Variants in MINK1 observed in about 807,000 individuals in gnomAD.
MINK1 encodes the protein misshapen like kinase 1.
A neutral mutation model predicts 178.4 loss-of-function variants in MINK1; 46 were observed. That is an observed-to-expected ratio of 0.26 (90% CI 0.20 to 0.33). The LOEUF (loss-of-function observed/expected upper bound fraction) is 0.33. Ranked by LOEUF, MINK1 falls within the 10% of genes least tolerant of loss-of-function variation. MINK1 has a pLI of 1.00. For missense variants in MINK1, 1,366 were observed against 1,814.9 expected (o/e 0.75, Z 4.49); for synonymous variants, 797 against 709.7 (o/e 1.12, Z -1.96).
chr17:4,839,075 C>G (rs1909758515), intron 1 of MINK1, among the ~76,000 whole-genome samples: 1 of 152,032 alleles, frequency 6.6e-6, no homozygotes, highest in Non-Finnish European at 1.5e-5. Context: ...TCCCGAGTAG[C>G]TGGGACTATA....
At chr17:4,850,993 C>G (rs780618952) in intron 1 of MINK1, 5 of 458,550 alleles carry the variant, frequency 1.1e-5, no homozygotes, top group South Asian at 7.7e-5. Context: ...TCCTCCCTGC[C>G]CCTGTCAGCC....
chr17:4,892,686 C>T lies in MINK1; in HGVS notation c.2229C>T (p.Gly743=), dbSNP rs1393609300. 7 of 1,611,168 alleles carry T rather than the reference C, an allele frequency of 4.3e-6. No individual in the cohort carries two copies. In the Admixed American group the frequency reaches 1.0e-4, roughly 23 times the overall value. The change falls in exon 19 of 32, where the codon GGC becomes GGT. Residue 743 remains glycine (G), a synonymous_variant. Coordinates refer to ENST00000355280, the MANE Select transcript of MINK1 (RefSeq NM_153827.5). The stretch of plus-strand genomic sequence containing the variant: ...CCGACCTCAGGAGGAGCGACCCTGG[C>T]TGGGAACGCTCGGACAGCGTCCTTC... ...SNPDLRRSDP[G]WERSDSVLPA...
chr17:4,838,804 G>A (rs1326552033), intron 1 of MINK1, among the ~76,000 whole-genome samples: 4 of 152,160 alleles, frequency 2.6e-5, no homozygotes, highest in Admixed American at 6.6e-5. Context: ...CAGTCGCCAA[G>A]CATTGGCAGT....
chr17:4,837,045 G>A (rs1909414799), intron 1 of MINK1, among the ~76,000 whole-genome samples: 1 of 152,114 alleles, frequency 6.6e-6, no homozygotes, highest in Non-Finnish European at 1.5e-5. Context: ...AAATTAGCCA[G>A]GCATGGTGGC....
At chr17:4,843,993 T>C (rs1910626953) in intron 1 of MINK1, among the ~76,000 whole-genome samples, 2 of 152,228 alleles carry the variant, frequency 1.3e-5, no homozygotes, top group Non-Finnish European at 2.9e-5. Context: ...GTTTTCTGCC[T>C]GTTTTTTGGT....
intron 1 of MINK1, among the ~76,000 whole-genome samples, chr17:4,869,033 C>T (rs146471428): frequency 0.059 from 8,989 of 152,046 alleles, 832 homozygotes; most frequent in African/African-American, 0.2. Context: ...ACGCCATTCT[C>T]CTGCCCCAGC....
chr17:4,837,688 T>G (rs1229186151), intron 1 of MINK1, among the ~76,000 whole-genome samples: 2 of 152,358 alleles, frequency 1.3e-5, no homozygotes, highest in African/African-American at 4.8e-5. Context: ...ACCTCTTTCC[T>G]TTTGCATTGC....
At position 4,896,953 on chromosome 17, in the gene MINK1, A is replaced by T. The variant is rs1325101986; in HGVS notation, c.3915+140A>T. 3 of 1,174,744 alleles carry T rather than the reference A, an allele frequency of 2.6e-6. No homozygotes were observed. In the African/African-American group the frequency reaches 4.7e-5, roughly 18 times the overall value. 72.8% of individuals were successfully genotyped at this position (1,174,744 alleles called of 1,614,324 possible). ...CTGGGAGCTCAGAGGGCAGTCAGCC[A>T]CTACCACTGCCCTGCGCTCCCTTCA... On this transcript the variant is annotated intron_variant, in intron 31 of 31. Coordinates refer to ENST00000355280, the MANE Select transcript of MINK1 (RefSeq NM_153827.5). The surrounding 1 kb of genome is among the most constrained non-coding windows in gnomAD (Gnocchi z 4.6).
In MINK1 at chr17:4,886,618, G is replaced by T; in HGVS notation, c.941G>T (p.Gly314Val). Reference sequence around the variant, plus strand: ...ATTGACCGATCCCGGAAGAAGCGGGGTGAGAAAGGTCAGTGGGCAGGCTGG... The same window carrying T: ...ATTGACCGATCCCGGAAGAAGCGGGTTGAGAAAGGTCAGTGGGCAGGCTGG... ...DHIDRSRKKR[G>V]EKEETEYEYS... is the part of the protein sequence containing the mutation. The change falls in exon 10 of 32, where the codon GGT (glycine) becomes GTT (valine). Residue 314 changes from glycine to valine, a missense_variant. Around this residue, in one of 14 missense-constraint regions of MINK1, gnomAD observed 23 missense variants for 30.2 expected, o/e 0.76. Coordinates refer to ENST00000355280, the MANE Select transcript of MINK1 (RefSeq NM_153827.5). This position sits in a 1 kb window ranked among gnomAD's most constrained non-coding sequence, Gnocchi z 6.1. 6.3e-7 allele frequency: 1 copy of T among 1,591,620 alleles called. No homozygotes were observed. Among genetic ancestry groups the T allele is most frequent in the Non-Finnish European group, 8.6e-7 (1 of 1,167,464 alleles).
At position 4,847,057 on chromosome 17, in the gene MINK1, C is replaced by G. The variant is rs1911145739; in HGVS notation, c.57+13417C>G. 42 of 412,120 alleles carry G rather than the reference C, an allele frequency of 1.0e-4. 1 individual carries two copies. Among genetic ancestry groups the G allele is most frequent in the South Asian group, 7.1e-4 (41 of 57,672 alleles). The allele number at this position is 412,120 out of a possible 1,614,324, so 25.5% of individuals were successfully genotyped here. On this transcript the variant is annotated intron_variant, in intron 1 of 31. Coordinates refer to ENST00000355280, the MANE Select transcript of MINK1 (RefSeq NM_153827.5). ...AACATACCTGCTACTGCCCGGATCTCCTGTCCTGGCCTCATAACCTCCTCA... is the reference window on the plus strand; with the variant it reads ...AACATACCTGCTACTGCCCGGATCTGCTGTCCTGGCCTCATAACCTCCTCA...
At chr17:4,877,767 TTGAAAAGCCATCTGCGCTC>T (rs1211817812) in intron 1 of MINK1, among the ~76,000 whole-genome samples, 1 of 151,348 alleles carries the variant, frequency 6.6e-6, no homozygotes, top group Non-Finnish European at 1.5e-5. Context: ...GAACATGTCT[TTGAAAAGCCATCTGCGCTC>T]TGACTTCCAT....
chr17:4,873,920 C>G, intron 1 of MINK1, among the ~76,000 whole-genome samples: 1 of 152,000 alleles, frequency 6.6e-6, no homozygotes, highest in Non-Finnish European at 1.5e-5. Flanking sequence ...ACGCCCAACC[C>G]TAAGGTGGAC....
chr17:4,863,977 C>G (rs538599423), intron 1 of MINK1, among the ~76,000 whole-genome samples: 1 of 151,904 alleles, frequency 6.6e-6, no homozygotes, highest in East Asian at 2.0e-4. Flanking sequence ...TTAGTAGAGA[C>G]GGGGTTTCAC....
At chr17:4,847,346 C>T (rs1398259729) in intron 1 of MINK1, 1 of 418,984 alleles carries the variant, frequency 2.4e-6, no homozygotes, top group Non-Finnish European at 4.8e-6. Flanking sequence ...TCAATCAATT[C>T]TCCTGCCTCA....
Position 4,889,740 on chromosome 17 carries a change from C to T in MINK1, c.1324C>T (p.Arg442Trp). The T allele has an allele frequency of 5.8e-6, 9 of 1,543,412 alleles. No homozygotes were observed. The highest frequency in any genetic ancestry group is 7.0e-6 in the Non-Finnish European group (8 of 1,147,364). Reference protein sequence around the residue: ...DMQALRREEERRQAEREQEYK... With the variant: ...DMQALRREEEWRQAEREQEYK... ...GCAGGCTCTGCGGCGGGAGGAGGAGCGGCGGCAGGCGGAGCGCGAGCAGGT... is the reference window on the plus strand; with the variant it reads ...GCAGGCTCTGCGGCGGGAGGAGGAGTGGCGGCAGGCGGAGCGCGAGCAGGT... The change falls in exon 13 of 32, where the codon CGG (arginine) becomes TGG (tryptophan). Residue 442 changes from arginine to tryptophan, a missense_variant. Arg to Trp is a moderately radical substitution (Grantham distance 101). Transcript: ENST00000355280.
Position 4,850,364 on chromosome 17 carries a change from A to C in MINK1, c.57+16724A>C, listed in dbSNP as rs146580324. Among the ~76,000 whole-genome samples, 52 of 152,304 alleles carry C rather than the reference A, an allele frequency of 3.4e-4. No homozygotes were observed. In the East Asian group the frequency reaches 7.5e-3, roughly 22 times the overall value. The stretch of plus-strand genomic sequence containing the variant: ...GTTTGCTCCATCCTGCTGGTCAGGA[A>C]GTTCCCCTTCTGTCTCACCTGCGTC... On this transcript the variant is annotated intron_variant, in intron 1 of 31. Transcript: ENST00000355280.
In MINK1 at chr17:4,885,463, C is replaced by A. The variant is rs751641979; in HGVS notation, c.509-20C>A. ...CAGAGGTGACTCCCCACACTGACCCCTCCCTCTGTGTCTTCACAGTGGATT... is the reference window on the plus strand; with the variant it reads ...CAGAGGTGACTCCCCACACTGACCCATCCCTCTGTGTCTTCACAGTGGATT... On this transcript the variant is annotated intron_variant, in intron 6 of 31. Transcript: ENST00000355280. This position sits in a 1 kb window ranked among gnomAD's most constrained non-coding sequence, Gnocchi z 5.0. 1 of 1,612,920 alleles carries A rather than the reference C, an allele frequency of 6.2e-7. No individual in the cohort carries two copies.
chr17:4,894,545 A>G lies in MINK1; in HGVS notation c.2829A>G (p.Val943=). The change falls in exon 24 of 32, where the codon GTA becomes GTG. Residue 943 remains valine, a synonymous_variant. Coordinates refer to ENST00000355280, the MANE Select transcript of MINK1 (RefSeq NM_153827.5). The surrounding 1 kb of genome is among the most constrained non-coding windows in gnomAD (Gnocchi z 4.1). ...CACAGTACCAGTCTCGTGGGCTGGT[A>G]AAGGCCCCTGGCAAGAGCTCGTTCA... is the stretch of plus-strand genomic sequence containing the variant. ...GSGDYQSRGL[V]KAPGKSSFTM... 6.2e-7 allele frequency: 1 copy of G among 1,605,878 alleles called. No individual in the cohort carries two copies. Among genetic ancestry groups the G allele is most frequent in the Non-Finnish European group, 8.5e-7 (1 of 1,176,124 alleles).
In MINK1 at chr17:4,896,715, G is replaced by A. The variant is rs1383640368; in HGVS notation, c.3817G>A (p.Ala1273Thr). 6.2e-7 allele frequency: 1 copy of A among 1,603,182 alleles called. No homozygotes were observed. The highest frequency in any genetic ancestry group is 8.5e-7 in the Non-Finnish European group (1 of 1,173,596). The change falls in exon 31 of 32, where the codon GCC becomes ACC. Residue 1273 changes from alanine (A) to threonine (T), a missense_variant. By Grantham distance (58) the Ala-to-Thr change is moderately conservative. This residue lies in a region of MINK1 where 201 missense variants were observed against 240.7 expected (regional missense o/e 0.84). Transcript: ENST00000355280. The surrounding 1 kb of genome is among the most constrained non-coding windows in gnomAD (Gnocchi z 4.6). Reference sequence around the variant, plus strand: ...CCAGATAATGGGCTGGGGTGAGAAAGCCATTGAGATCCGCTCTGTGGAGAC... The same window carrying A: ...CCAGATAATGGGCTGGGGTGAGAAAACCATTGAGATCCGCTCTGTGGAGAC... ...SNQIMGWGEK[A>T]IEIRSVETGH... is the part of the protein sequence containing the mutation.
Sources: gnomAD v4.1 joint callset for allele counts (sites outside exome capture counted in the v4.1 genomes callset) on GRCh38, gnomAD v4.1.1 for gene constraint, gnomAD v4.1.1 regional missense constraint, Gnocchi (gnomAD v3.1) non-coding constraint, MANE v1.5 for transcripts, NCBI Gene and HGNC (gene_info 2026-07-23, HGNC 2026-07-21) for gene names.